NOD1: variants seen among roughly 807,000 people sequenced by gnomAD.
NOD1 encodes nucleotide-binding oligomerization domain-containing protein 1.
NOD1 carries 70 observed loss-of-function variants against 81.2 expected under a neutral mutation model. The observed-to-expected ratio is 0.86, with a 90% CI of 0.71 to 1.05. NOD1 has a LOEUF of 1.05. NOD1 is among the 50% of genes least tolerant of loss of function. The pLI, the probability that NOD1 is intolerant of heterozygous loss-of-function variation, is 0.00. For missense variants in NOD1, 1,233 were observed against 1,228.0 expected (o/e 1.00, Z -0.06); for synonymous variants, 508 against 526.9 (o/e 0.96, Z 0.49).
rs1788988364 is a variant in NOD1, at chr7:30,478,203, C to G, written c.-352+403G>C. ...CCTTCCAGCCTTTGCCACAAACCCT[C>G]GAACGCTGGCTGCACACTGGAATCA... On this transcript the variant is annotated intron_variant, in intron 1 of 13. Coordinates refer to ENST00000222823, the MANE Select transcript of NOD1 (RefSeq NM_006092.4). This position sits in a 1 kb window ranked among gnomAD's most constrained non-coding sequence, Gnocchi z 4.1. 6.6e-6 allele frequency among the ~76,000 whole-genome samples: 1 copy of G among 152,118 alleles called. No homozygotes were observed. Among genetic ancestry groups the G allele is most frequent in the African/African-American group, 2.4e-5 (1 of 41,440 alleles).
intron 3 of NOD1, among the ~76,000 whole-genome samples, chr7:30,458,194 T>G (rs1786594740): frequency 6.6e-6 from 1 of 152,116 alleles, no homozygotes; most frequent in Non-Finnish European, 1.5e-5. Flanking sequence ...CTACCTTCCT[T>G]GTAACAATAA....
At position 30,467,932 on chromosome 7, in the gene NOD1, C is replaced by T. The variant is rs948823550; in HGVS notation, c.-351-7891G>A. 6.6e-5 allele frequency among the ~76,000 whole-genome samples: 10 copies of T among 152,098 alleles called. No individual in the cohort carries two copies. Among genetic ancestry groups the T allele is most frequent in the Admixed American group, 2.6e-4 (4 of 15,274 alleles). ...GGCCAGGCTGGTCTTGAACTCCTGACCTCAGGTGATCCACCTGCCTCGACC... is the reference window on the plus strand; with the variant it reads ...GGCCAGGCTGGTCTTGAACTCCTGATCTCAGGTGATCCACCTGCCTCGACC... On this transcript the variant is annotated intron_variant, in intron 1 of 13. Coordinates refer to ENST00000222823, the MANE Select transcript of NOD1 (RefSeq NM_006092.4). This position sits in a 1 kb window ranked among gnomAD's most constrained non-coding sequence, Gnocchi z 4.5.
intron 3 of NOD1, among the ~76,000 whole-genome samples, chr7:30,457,612 T>C (rs1464115958): frequency 6.6e-6 from 1 of 152,188 alleles, no homozygotes; most frequent in South Asian, 2.1e-4. Context: ...AAGTGTGCTT[T>C]GATCCTATAC....
rs1456442112 is a variant in NOD1 at position 30,462,933 on chromosome 7, A to G, written c.-351-2892T>C. Among the ~76,000 whole-genome samples the G allele has an allele frequency of 2.1e-5, 3 of 143,250 alleles. No individual in the cohort carries two copies. In the Admixed American group the frequency reaches 2.2e-4, roughly 10 times the overall value. The allele number at this position is 143,250 out of a possible 152,430, so 94.0% of individuals were successfully genotyped here. On this transcript the variant is annotated intron_variant, in intron 1 of 13. Coordinates refer to ENST00000222823, the MANE Select transcript of NOD1 (RefSeq NM_006092.4). ...CATTGCACTCCAGCCTGGGTGACAGAGTGAGACTCCATCTCAAAAAAAAAA... is the reference window on the plus strand; with the variant it reads ...CATTGCACTCCAGCCTGGGTGACAGGGTGAGACTCCATCTCAAAAAAAAAA...
In NOD1 at chr7:30,477,387, T is replaced by C. The variant is rs951677460; in HGVS notation, c.-352+1219A>G. ...ACAGGGAATCCACTCCTCTCTAAGATGCATCGTGGAGTTACTCTTTTACTC... is the reference window on the plus strand; with the variant it reads ...ACAGGGAATCCACTCCTCTCTAAGACGCATCGTGGAGTTACTCTTTTACTC... On this transcript the variant is annotated intron_variant, in intron 1 of 13. Transcript: ENST00000222823. Among the ~76,000 whole-genome samples the C allele has an allele frequency of 7.2e-5, 11 of 152,350 alleles. No homozygotes were observed. The East Asian group carries it at 7.7e-4, about 11-fold the overall frequency.
intron 8 of NOD1, chr7:30,446,498 C>G (rs1785100890): frequency 2.0e-6 from 1 of 488,212 alleles, no homozygotes. Flanking sequence ...TTGACCTCAG[C>G]AGCATCACTG....
At chr7:30,466,364 A>T (rs2128096267) in intron 1 of NOD1, among the ~76,000 whole-genome samples, 1 of 146,188 alleles carries the variant, frequency 6.8e-6, no homozygotes, top group Non-Finnish European at 1.5e-5. Context: ...TCAATGTGCA[A>T]TTTTTTTTTT....
intron 4 of NOD1, among the ~76,000 whole-genome samples, 160 bp downstream of exon 4, chr7:30,456,561 C>T (rs1583797295): frequency 6.6e-6 from 1 of 152,194 alleles, no homozygotes; most frequent in African/African-American, 2.4e-5. Flanking sequence ...CCTGACTGTG[C>T]AACCTGCTAA....
At chr7:30,434,792 C>T (rs1784245014) in intron 11 of NOD1, among the ~76,000 whole-genome samples, 1 of 152,198 alleles carries the variant, frequency 6.6e-6, no homozygotes, top group Non-Finnish European at 1.5e-5. Context: ...ACTTACTGGA[C>T]AGCAGGCCTA....
At chr7:30,470,386 T>C (rs2128103562) in intron 1 of NOD1, among the ~76,000 whole-genome samples, 1 of 152,354 alleles carries the variant, frequency 6.6e-6, no homozygotes. Flanking sequence ...GGCGACCATC[T>C]GGTGAGTCAC....
intron 1 of NOD1, among the ~76,000 whole-genome samples, chr7:30,470,183 C>T (rs1472517361): frequency 6.6e-6 from 1 of 152,240 alleles, no homozygotes; most frequent in Non-Finnish European, 1.5e-5. Flanking sequence ...GTTTTCTTCT[C>T]TGTAAGTACA....
chr7:30,461,746 T>G (rs1787106253), intron 1 of NOD1, among the ~76,000 whole-genome samples: 1 of 151,990 alleles, frequency 6.6e-6, no homozygotes, highest in African/African-American at 2.4e-5. Context: ...GTTGTTGTTG[T>G]TGTTGTTGTT....
At chr7:30,469,151 T>G (rs2128101297) in intron 1 of NOD1, 1 of 985,438 alleles carries the variant, frequency 1.0e-6, no homozygotes, top group East Asian at 1.1e-4. Flanking sequence ...GTTTACAATT[T>G]CTTAAGGAAC....
chr7:30,430,558 G>A (rs1431358970), intron 12 of NOD1, among the ~76,000 whole-genome samples: 1 of 152,178 alleles, frequency 6.6e-6, no homozygotes, highest in Non-Finnish European at 1.5e-5. Context: ...GAATGAAGAG[G>A]ACTCCCTCGT....
In NOD1 at chr7:30,451,900, G is replaced by A. The variant is rs763425448; in HGVS notation, c.1517C>T (p.Pro506Leu). The change falls in exon 6 of 14, where the codon CCC (proline) becomes CTC (leucine). Residue 506 changes from proline (P) to leucine (L), a missense_variant. Pro to Leu is a moderately conservative substitution (Grantham distance 98). Transcript: ENST00000222823. The surrounding 1 kb of genome is among the most constrained non-coding windows in gnomAD (Gnocchi z 4.2). ...CTCATAGGACTGCTGGTCACCCCCG[G>A]GGCCCAGCTCCGGCAAAGCCCGCAG... ...GFLRALPELG[P>L]GGDQQSYEFF... 1.5e-5 allele frequency: 25 copies of A among 1,613,474 alleles called. No individual in the cohort carries two copies. The East Asian group carries it at 5.1e-4, about 33-fold the overall frequency.
chr7:30,426,061 G>A (rs971152633), intron 13 of NOD1, among the ~76,000 whole-genome samples: 3 of 151,920 alleles, frequency 2.0e-5, no homozygotes, highest in African/African-American at 7.3e-5. Flanking sequence ...GGTTATATGC[G>A]CTGATTTTTC....
rs1786438120 is a variant in NOD1 at position 30,456,877 on chromosome 7, C to T, written c.45G>A (p.Glu15=). 2 of 1,614,074 alleles carry T rather than the reference C, an allele frequency of 1.2e-6. No homozygotes were observed. Among genetic ancestry groups the T allele is most frequent in the Non-Finnish European group, 1.7e-6 (2 of 1,180,036 alleles). ...TCAGTAATTGAATGTGGGGGTGAGA[C>T]TCTGATGGGATTATTTCCATCTCAC... ...GHSEMEIIPS[E]SHPHIQLLKS... is the part of the protein sequence containing the mutation. Residue 15 remains glutamate, a synonymous_variant, in exon 4 of 14, where the codon GAG becomes GAA. Coordinates refer to ENST00000222823, the MANE Select transcript of NOD1 (RefSeq NM_006092.4).
intron 3 of NOD1, among the ~76,000 whole-genome samples, chr7:30,457,842 C>T (rs1391923473): frequency 6.6e-6 from 1 of 152,200 alleles, no homozygotes; most frequent in Non-Finnish European, 1.5e-5. Flanking sequence ...GGTGATGTCT[C>T]AGTCACTGTT....
At chr7:30,453,380 G>A (rs768632628) in intron 5 of NOD1, among the ~76,000 whole-genome samples, 1 of 152,080 alleles carries the variant, frequency 6.6e-6, no homozygotes, top group Non-Finnish European at 1.5e-5. Flanking sequence ...GAAGCCCCTC[G>A]CACTCGAGGG....
Sources: gnomAD v4.1 joint callset for allele counts (sites outside exome capture counted in the v4.1 genomes callset) on GRCh38, gnomAD v4.1.1 for gene constraint, Gnocchi (gnomAD v3.1) non-coding constraint, MANE v1.5 for transcripts, NCBI Gene and HGNC (gene_info 2026-07-23, HGNC 2026-07-21) for gene names.